SOX6: variants seen among roughly 807,000 people sequenced by gnomAD.
SOX6 encodes the protein SRY-box transcription factor 6.
A neutral mutation model predicts 97.8 loss-of-function variants in SOX6; 11 were observed. The ratio of observed to expected loss-of-function variants is 0.11; its 90% CI spans 0.07 to 0.19. The LOEUF (loss-of-function observed/expected upper bound fraction) is 0.19, where lower values mean the gene tolerates loss of function less well. Among genes scored for constraint, SOX6 ranks in the 10% least tolerant of loss-of-function variants. SOX6 has a pLI of 1.00. For synonymous variants in SOX6, 360 were observed against 371.4 expected, an observed-to-expected ratio of 0.97 and a Z score of 0.35; for missense variants, 810 against 1,039.5, an observed-to-expected ratio of 0.78 and a Z score of 3.04.
intron 3 of SOX6, among the ~76,000 whole-genome samples, chr11:16,678,199 A>C (rs1004326643): frequency 6.6e-6 from 1 of 151,796 alleles, no homozygotes; most frequent in African/African-American, 2.4e-5. Flanking sequence ...GTTTGGGTTT[A>C]GTTTGCTTGT....
intron 4 of SOX6, among the ~76,000 whole-genome samples, chr11:16,494,050 C>T (rs767286873): frequency 1.3e-5 from 2 of 152,124 alleles, no homozygotes; most frequent in African/African-American, 4.8e-5. Context: ...TGTTATAGTA[C>T]ACCCAGACAC....
chr11:16,102,839 G>A (rs2133982743), intron 7 of SOX6, among the ~76,000 whole-genome samples: 1 of 151,810 alleles, frequency 6.6e-6, no homozygotes, highest in East Asian at 1.9e-4. Context: ...GAATGAATCT[G>A]GATCCTCATC....
At chr11:16,247,217 A>G (rs1853362746) in intron 3 of SOX6, among the ~76,000 whole-genome samples, 1 of 152,158 alleles carries the variant, frequency 6.6e-6, no homozygotes, top group South Asian at 2.1e-4. Context: ...TGTTGAATCC[A>G]TGTTGTTGTA....
intron 1 of SOX6, among the ~76,000 whole-genome samples, chr11:16,468,341 TA>T (rs1298171153): frequency 6.6e-6 from 1 of 152,194 alleles, no homozygotes; most frequent in Non-Finnish European, 1.5e-5. Context: ...AATTTAATGA[TA>T]GTTTGCCTAG....
intron 1 of SOX6, among the ~76,000 whole-genome samples, chr11:16,381,752 A>G (rs1055839835): frequency 4.0e-5 from 6 of 151,876 alleles, no homozygotes; most frequent in Non-Finnish European, 7.4e-5. Context: ...ACCGACTTCC[A>G]TATCTAAAAT....
At chr11:16,500,004 C>CA (rs1215025222) in intron 4 of SOX6, among the ~76,000 whole-genome samples, 4 of 151,888 alleles carry the variant, frequency 2.6e-5, no homozygotes, top group Non-Finnish European at 1.5e-5. Context: ...AGAGACACAA[C>CA]AAAAAAAGAG....
chr11:16,284,599 G>C (rs532227893), intron 3 of SOX6, among the ~76,000 whole-genome samples: 1 of 152,166 alleles, frequency 6.6e-6, no homozygotes, highest in South Asian at 2.1e-4. Context: ...GGAAGAAAAA[G>C]GTGAATTAAA....
chr11:16,636,009 C>T (rs895970863), intron 3 of SOX6, among the ~76,000 whole-genome samples: 7 of 152,282 alleles, frequency 4.6e-5, no homozygotes, highest in Non-Finnish European at 8.8e-5. Context: ...GCTAGGGCAG[C>T]GCAGAAGGGA....
At chr11:16,192,637 A>G (rs1395891677) in intron 4 of SOX6, among the ~76,000 whole-genome samples, 2 of 152,164 alleles carry the variant, frequency 1.3e-5, no homozygotes, top group East Asian at 3.9e-4. Flanking sequence ...TTTACAAACT[A>G]TTACTACCTG....
At chr11:16,632,883 T>A (rs1371929867) in intron 3 of SOX6, among the ~76,000 whole-genome samples, 2 of 152,084 alleles carry the variant, frequency 1.3e-5, no homozygotes, top group African/African-American at 4.8e-5. Flanking sequence ...GGCAAGCAGA[T>A]CCTCTGAATG....
intron 8 of SOX6, 41 bp downstream of exon 8, chr11:16,097,568 G>C: frequency 6.4e-7 from 1 of 1,559,444 alleles, no homozygotes; most frequent in African/African-American, 1.4e-5. Context: ...TTCCACTAAA[G>C]TACTGGCTCA....
chr11:16,578,185 T>C (rs1319676326), intron 4 of SOX6, among the ~76,000 whole-genome samples: 1 of 152,178 alleles, frequency 6.6e-6, no homozygotes, highest in Non-Finnish European at 1.5e-5. Flanking sequence ...TATTTTCCCA[T>C]TGAATTGTCT....
Position 16,334,184 on chromosome 11 carries a change from C to A in SOX6, c.237+6828G>T, listed in dbSNP as rs184148502. On this transcript the variant is annotated intron_variant, in intron 2 of 15. Transcript: ENST00000683767. The stretch of plus-strand genomic sequence containing the variant: ...CCTCCTTAAAGACATTCTGAATACA[C>A]AACTTCACTGAAAAAAAAAAGATAC... Among the ~76,000 whole-genome samples, 18 of 151,630 alleles carry A rather than the reference C, an allele frequency of 1.2e-4. 1 individual carries two copies. In the Middle Eastern group the frequency reaches 0.024, roughly 201 times the overall value.
intron 1 of SOX6, chr11:16,402,666 T>C: frequency 6.2e-7 from 1 of 1,611,252 alleles, no homozygotes; most frequent in South Asian, 1.1e-5. Context: ...TACCCCATTT[T>C]TCTTCTTTCC....
chr11:16,413,455 T>C (rs1373208205), intron 1 of SOX6, among the ~76,000 whole-genome samples: 1 of 151,214 alleles, frequency 6.6e-6, no homozygotes, highest in African/African-American at 2.4e-5. Flanking sequence ...AATGAGGGAA[T>C]GAGGATCCCA....
At chr11:16,212,933 A>C (rs1054558484) in intron 4 of SOX6, among the ~76,000 whole-genome samples, 4 of 152,214 alleles carry the variant, frequency 2.6e-5, no homozygotes, top group African/African-American at 9.7e-5. Context: ...AAGTATCTTC[A>C]TGCCAAAGCC....
chr11:16,591,331 A>G (rs1304682620), intron 4 of SOX6, among the ~76,000 whole-genome samples: 2 of 81,522 alleles, frequency 2.5e-5, no homozygotes, highest in South Asian at 4.3e-4. Context: ...AGATAGATAG[A>G]TAGATAGATA....
intron 4 of SOX6, among the ~76,000 whole-genome samples, chr11:16,214,596 T>C (rs1659331629): frequency 6.6e-6 from 1 of 152,090 alleles, no homozygotes; most frequent in South Asian, 2.1e-4. Flanking sequence ...TCAGTGTTGA[T>C]TGTCTAAACT....
chr11:16,345,902 A>G (rs187477992), intron 1 of SOX6, among the ~76,000 whole-genome samples: 32 of 152,162 alleles, frequency 2.1e-4, no homozygotes, highest in African/African-American at 7.5e-4. Context: ...AAGCTTACAT[A>G]ATTATCAAAA....
Sources: gnomAD v4.1 joint callset for allele counts (sites outside exome capture counted in the v4.1 genomes callset) on GRCh38, gnomAD v4.1.1 for gene constraint, MANE v1.5 for transcripts, NCBI Gene and HGNC (gene_info 2026-07-23, HGNC 2026-07-21) for gene names.